Variants in ST3GAL4 observed in about 807,000 individuals in gnomAD.
ST3GAL4 encodes ST3 beta-galactoside alpha-2,3-sialyltransferase 4.
In ST3GAL4, 24 loss-of-function variants were observed where a neutral mutation model predicts 42.6. That is an observed-to-expected ratio of 0.56 (90% CI 0.41 to 0.79). The LOEUF is 0.79. Among genes scored for constraint, ST3GAL4 ranks in the 30% least tolerant of loss-of-function variants. The probability of loss-of-function intolerance (pLI) is 0.00; values close to 1 mark genes in which losing one functional copy is unlikely to be tolerated. For synonymous variants in ST3GAL4, 135 were observed against 163.2 expected (o/e 0.83, Z 1.32); for missense variants, 311 against 430.8 (o/e 0.72, Z 2.46).
chr11:126,397,059 ACT>A lies in ST3GAL4; in HGVS notation c.-60-9032_-60-9031del, dbSNP rs1953806841. 6.6e-6 allele frequency among the ~76,000 whole-genome samples: 1 copy of A among 151,970 alleles called. No individual in the cohort carries two copies. The highest frequency in any genetic ancestry group is 2.1e-4 in the South Asian group (1 of 4,820). Reference sequence around the variant, plus strand: ...CACAAGACAGACCCCGCAACAGTGAACTCTCTGGCCCCTCCAAGTCAGTGGTG... The same window carrying A: ...CACAAGACAGACCCCGCAACAGTGAACTCTGGCCCCTCCAAGTCAGTGGTG... On this transcript the variant is annotated intron_variant, in intron 1 of 10. Coordinates refer to ENST00000444328, the MANE Select transcript of ST3GAL4 (RefSeq NM_001254757.2). This position sits in a 1 kb window ranked among gnomAD's most constrained non-coding sequence, Gnocchi z 5.0.
At position 126,406,848 on chromosome 11, in the gene ST3GAL4, G is replaced by C. The variant is rs1954256285; in HGVS notation, c.102-95G>C. 3 of 1,184,634 alleles carry C rather than the reference G, an allele frequency of 2.5e-6. No individual in the cohort carries two copies. The highest frequency in any genetic ancestry group is 3.7e-6 in the Non-Finnish European group (3 of 805,246). 73.4% of individuals were successfully genotyped at this position (1,184,634 alleles called of 1,614,324 possible). On this transcript the variant is annotated intron_variant, in intron 3 of 10. Coordinates refer to ENST00000444328, the MANE Select transcript of ST3GAL4 (RefSeq NM_001254757.2). This position sits in a 1 kb window ranked among gnomAD's most constrained non-coding sequence, Gnocchi z 5.4. ...GAGATGATTCCTCCCCGGCACCTTGGGACCTTCATGCCGTGGGAGAAGGCT... is the reference window on the plus strand; with the variant it reads ...GAGATGATTCCTCCCCGGCACCTTGCGACCTTCATGCCGTGGGAGAAGGCT...
rs1426806540 is a variant in ST3GAL4, at chr11:126,400,851, C to T, written c.-60-5245C>T. Among the ~76,000 whole-genome samples the T allele has an allele frequency of 1.3e-5, 2 of 152,188 alleles. No individual in the cohort carries two copies. Among genetic ancestry groups the T allele is most frequent in the African/African-American group, 4.8e-5 (2 of 41,450 alleles). Reference sequence around the variant, plus strand: ...GAGTCTAGACAATGTGACCTTCACACTGGGGCTGAGTTTTGTAAAATCCGA... The same window carrying T: ...GAGTCTAGACAATGTGACCTTCACATTGGGGCTGAGTTTTGTAAAATCCGA... On this transcript the variant is annotated intron_variant, in intron 1 of 10. Coordinates refer to ENST00000444328, the MANE Select transcript of ST3GAL4 (RefSeq NM_001254757.2). This position sits in a 1 kb window ranked among gnomAD's most constrained non-coding sequence, Gnocchi z 4.6.
intron 1 of ST3GAL4, among the ~76,000 whole-genome samples, chr11:126,372,198 C>T (rs1489711102): frequency 6.6e-6 from 1 of 152,206 alleles, no homozygotes; most frequent in African/African-American, 2.4e-5. Context: ...AAACATCCTC[C>T]TGCTAGTCAA....
chr11:126,401,581 A>G lies in ST3GAL4; in HGVS notation c.-60-4515A>G, dbSNP rs560402341. On this transcript the variant is annotated intron_variant, in intron 1 of 10. Coordinates refer to ENST00000444328, the MANE Select transcript of ST3GAL4 (RefSeq NM_001254757.2). ...AGAAAAAAAAAAAGAAGAAGAAGAAAAAAAAAAAGGTGGGCCCCGGCAGCA... is the reference window on the plus strand; with the variant it reads ...AGAAAAAAAAAAAGAAGAAGAAGAAGAAAAAAAAGGTGGGCCCCGGCAGCA... 3.8e-4 allele frequency among the ~76,000 whole-genome samples: 57 copies of G among 150,940 alleles called. 1 individual carries two copies. Among genetic ancestry groups the G allele is most frequent in the Admixed American group, 2.7e-3 (40 of 15,092 alleles).
Position 126,392,970 on chromosome 11 carries a change from T to TG in ST3GAL4, c.-60-13126_-60-13125insG, listed in dbSNP as rs1314344437. On this transcript the variant is annotated intron_variant, in intron 1 of 10. Transcript: ENST00000444328. This position sits in a 1 kb window ranked among gnomAD's most constrained non-coding sequence, Gnocchi z 5.8. Reference sequence around the variant, plus strand: ...CGACCAACTCCTGTTCTTTTTTTTTTTTTTTTTTGAGACAGGCTAGAGTGC... The same window carrying TG: ...CGACCAACTCCTGTTCTTTTTTTTTTGTTTTTTTTGAGACAGGCTAGAGTGC... 6.6e-6 allele frequency among the ~76,000 whole-genome samples: 1 copy of TG among 150,900 alleles called. No homozygotes were observed. The highest frequency in any genetic ancestry group is 2.4e-5 in the African/African-American group (1 of 40,996).
chr11:126,413,926 A>G lies in ST3GAL4; in HGVS notation c.916-35A>G, dbSNP rs201370833. 2,037 of 1,608,912 alleles carry G rather than the reference A, an allele frequency of 1.3e-3. 1 individual carries two copies. Among genetic ancestry groups the G allele is most frequent in the Non-Finnish European group, 1.6e-3 (1,845 of 1,175,840 alleles). ...TCCTGGGGACAGAGAGGTCCCTGGG[A>G]GTCCCTCAGTTTATTTCCTTGGCTG... is the stretch of plus-strand genomic sequence containing the variant. On this transcript the variant is annotated intron_variant, in intron 10 of 10. Coordinates refer to ENST00000444328, the MANE Select transcript of ST3GAL4 (RefSeq NM_001254757.2).
At chr11:126,365,359 C>T (rs1047975875) in intron 1 of ST3GAL4, among the ~76,000 whole-genome samples, 44 of 152,044 alleles carry the variant, frequency 2.9e-4, no homozygotes, top group Admixed American at 2.6e-3. Context: ...GAGGAGGAGG[C>T]GCTGGCCAGG....
chr11:126,377,089 C>G (rs984035776), intron 1 of ST3GAL4, among the ~76,000 whole-genome samples: 1 of 152,166 alleles, frequency 6.6e-6, no homozygotes, highest in Non-Finnish European at 1.5e-5. Context: ...ATGGAGAAGG[C>G]AGTGCCCATC....
chr11:126,362,442 C>T (rs4055121), intron 1 of ST3GAL4, among the ~76,000 whole-genome samples: 24,929 of 152,014 alleles, frequency 0.16, 2,148 homozygotes, highest in East Asian at 0.32. Flanking sequence ...CTCAAATGAT[C>T]CACCTGCCTC....
intron 1 of ST3GAL4, among the ~76,000 whole-genome samples, chr11:126,382,789 G>A (rs1953058395): frequency 6.6e-6 from 1 of 152,244 alleles, no homozygotes; most frequent in South Asian, 2.1e-4. Flanking sequence ...TCTGTCCCCA[G>A]GCAGTCACCA....
In ST3GAL4 at chr11:126,407,312, A is replaced by G. The variant is rs1425225084; in HGVS notation, c.243A>G (p.Pro81=). 1.2e-6 allele frequency: 2 copies of G among 1,614,058 alleles called. No individual in the cohort carries two copies. Among genetic ancestry groups the G allele is most frequent in the African/African-American group, 2.7e-5 (2 of 74,918 alleles). The part of the protein sequence containing the change: ...RLEDYFWVKT[P]SAYELPYGTK... Reference sequence around the variant, plus strand: ...AGGATTATTTCTGGGTCAAGACGCCATCTGCTTACGAGCTGCCCTATGGGA... The same window carrying G: ...AGGATTATTTCTGGGTCAAGACGCCGTCTGCTTACGAGCTGCCCTATGGGA... The change falls in exon 5 of 11, where the codon CCA becomes CCG. Residue 81 remains proline, a synonymous_variant. Transcript: ENST00000444328.
In ST3GAL4 at chr11:126,386,376, G is replaced by C. The variant is rs1953227458; in HGVS notation, c.-60-19720G>C. ...TCAGTGCCCTCCCTGCTTGCATTCG[G>C]CCCACAGGCCTTGTGGCTCCTGTTT... On this transcript the variant is annotated intron_variant, in intron 1 of 10. Transcript: ENST00000444328. The surrounding 1 kb of genome is among the most constrained non-coding windows in gnomAD (Gnocchi z 4.7). Among the ~76,000 whole-genome samples, 1 of 152,040 alleles carries C rather than the reference G, an allele frequency of 6.6e-6. No homozygotes were observed. Among genetic ancestry groups the C allele is most frequent in the Admixed American group, 6.6e-5 (1 of 15,262 alleles).
Position 126,413,500 on chromosome 11 carries a change from C to T in ST3GAL4, c.772-5C>T. 1.9e-6 allele frequency: 3 copies of T among 1,613,888 alleles called. No individual in the cohort carries two copies. The highest frequency in any genetic ancestry group is 2.5e-6 in the Non-Finnish European group (3 of 1,179,948). The stretch of plus-strand genomic sequence containing the variant: ...CACTAACACCCTCCTGCCCCTGTTC[C>T]TCAGAAGCCCACCACGGGCCTGTTG... On this transcript the variant is annotated splice_region_variant and splice_polypyrimidine_tract_variant and intron_variant, in intron 9 of 10. Coordinates refer to ENST00000444328, the MANE Select transcript of ST3GAL4 (RefSeq NM_001254757.2).
In ST3GAL4 at chr11:126,397,165, T is replaced by C. The variant is rs1214581405; in HGVS notation, c.-60-8931T>C. On this transcript the variant is annotated intron_variant, in intron 1 of 10. Transcript: ENST00000444328. The surrounding 1 kb of genome is among the most constrained non-coding windows in gnomAD (Gnocchi z 5.0). ...GTTAGTGGAACATGCAATACATCTT[T>C]ATTCACATGTTATTACTTATTTGTC... Among the ~76,000 whole-genome samples the C allele has an allele frequency of 6.6e-6, 1 of 152,140 alleles. No individual in the cohort carries two copies. Among genetic ancestry groups the C allele is most frequent in the African/African-American group, 2.4e-5 (1 of 41,376 alleles).
intron 1 of ST3GAL4, among the ~76,000 whole-genome samples, chr11:126,380,475 A>G (rs1280990833): frequency 6.6e-6 from 1 of 152,170 alleles, no homozygotes; most frequent in Non-Finnish European, 1.5e-5. Context: ...TTATTTTGTG[A>G]AGGGCCACTT....
Position 126,378,628 on chromosome 11 carries a change from C to T in ST3GAL4, c.-61+22786C>T, listed in dbSNP as rs543776304. Among the ~76,000 whole-genome samples the T allele has an allele frequency of 3.9e-5, 6 of 152,240 alleles. No individual in the cohort carries two copies. Among genetic ancestry groups the T allele is most frequent in the Admixed American group, 6.5e-5 (1 of 15,268 alleles). ...TTCACCGTGTTAGCCAGGATGGTCT[C>T]GATCTCCTGACCTCGTGATCCACCC... On this transcript the variant is annotated intron_variant, in intron 1 of 10. Coordinates refer to ENST00000444328, the MANE Select transcript of ST3GAL4 (RefSeq NM_001254757.2). This position sits in a 1 kb window ranked among gnomAD's most constrained non-coding sequence, Gnocchi z 5.3.
chr11:126,356,649 C>T (rs1045796291), intron 1 of ST3GAL4, among the ~76,000 whole-genome samples: 3 of 152,200 alleles, frequency 2.0e-5, no homozygotes, highest in Non-Finnish European at 2.9e-5. Context: ...GAACTGCTGC[C>T]AGAAGGCTGG....
chr11:126,403,890 T>G (rs1344171864), intron 1 of ST3GAL4, among the ~76,000 whole-genome samples: 3 of 152,138 alleles, frequency 2.0e-5, no homozygotes, highest in African/African-American at 4.8e-5. Context: ...ACATCGAGGT[T>G]TGAGAAGTGT....
rs1236471304 is a variant in ST3GAL4 at position 126,363,182 on chromosome 11, C to A, written c.-61+7340C>A. 3.9e-5 allele frequency among the ~76,000 whole-genome samples: 6 copies of A among 152,204 alleles called. 1 individual carries two copies. The highest frequency in any genetic ancestry group is 2.0e-4 in the Admixed American group (3 of 15,294). ...AGGCAGTGTGGGCCGTTTCTCTAGACCTCCTGCCCCCATCTCCTTCCTGTC... is the reference window on the plus strand; with the variant it reads ...AGGCAGTGTGGGCCGTTTCTCTAGAACTCCTGCCCCCATCTCCTTCCTGTC... On this transcript the variant is annotated intron_variant, in intron 1 of 10. Transcript: ENST00000444328. The surrounding 1 kb of genome is among the most constrained non-coding windows in gnomAD (Gnocchi z 4.6).
Sources: gnomAD v4.1 joint callset for allele counts (sites outside exome capture counted in the v4.1 genomes callset) on GRCh38, gnomAD v4.1.1 for gene constraint, Gnocchi (gnomAD v3.1) non-coding constraint, MANE v1.5 for transcripts, NCBI Gene and HGNC (gene_info 2026-07-23, HGNC 2026-07-21) for gene names.